FBN3: variants seen among roughly 807,000 people sequenced by gnomAD.
FBN3 encodes the protein fibrillin 3, also known as fibrillin-3.
In FBN3, 234 loss-of-function variants were observed where a neutral mutation model predicts 330.1. The ratio of observed to expected loss-of-function variants is 0.71; its 90% CI spans 0.64 to 0.79. FBN3 has a LOEUF of 0.79. FBN3 is among the 30% of genes least tolerant of loss of function. The pLI, the probability that FBN3 is intolerant of heterozygous loss-of-function variation, is 0.00. For synonymous variants in FBN3, 1,458 were observed against 1,517.3 expected (o/e 0.96, Z 0.91); for missense variants, 3,606 against 3,886.9 (o/e 0.93, Z 1.92).
At chr19:8,098,206 A>C (rs11666861) in intron 41 of FBN3, among the ~76,000 whole-genome samples, 60,460 of 150,364 alleles carry the variant, frequency 0.4, 13,086 homozygotes, top group East Asian at 0.76. Context: ...GACTGGAAAC[A>C]ACCTAAGTGT....
rs779003748 is a variant in FBN3 at position 8,123,877 on chromosome 19, G to T, written c.2863C>A (p.Pro955Thr). The change falls in exon 23 of 64, where the codon CCG becomes ACG. Residue 955 changes from proline (P) to threonine (T), a missense_variant. Coordinates refer to ENST00000600128, the MANE Select transcript of FBN3 (RefSeq NM_032447.5). ...GCGAACTCCAGAGACTCGGGATCCG[G>T]GCAGGCCTCGCACTCGACTCCCCAC... ...AVWGVECEAC[P>T]DPESLEFASL... 1 of 1,613,490 alleles carries T rather than the reference G, an allele frequency of 6.2e-7. No homozygotes were observed. The highest frequency in any genetic ancestry group is 8.5e-7 in the Non-Finnish European group (1 of 1,180,010).
Position 8,091,573 on chromosome 19 carries a change from C to G in FBN3, c.5923G>C (p.Glu1975Gln), listed in dbSNP as rs530861137. The change falls in exon 48 of 64, where the codon GAG becomes CAG. Residue 1975 changes from glutamate to glutamine, a missense_variant. By Grantham distance (29) the Glu-to-Gln change is conservative (BLOSUM62 2). Transcript: ENST00000600128. ...DHCIDIDECS[E>Q]EPNLCLFGTC... ...CCAAAGAGGCAGAGGTTGGGCTCCTCTGAGCACTCGTCGATATCTGGAAGG... is the reference window on the plus strand; with the variant it reads ...CCAAAGAGGCAGAGGTTGGGCTCCTGTGAGCACTCGTCGATATCTGGAAGG... 2 of 1,614,046 alleles carry G rather than the reference C, an allele frequency of 1.2e-6. No individual in the cohort carries two copies. The highest frequency in any genetic ancestry group is 2.2e-5 in the East Asian group (1 of 44,866).
In FBN3 at chr19:8,094,009, C is replaced by A. The variant is rs148390265; in HGVS notation, c.5905+437G>T. Among the ~76,000 whole-genome samples, 45 of 152,212 alleles carry A rather than the reference C, an allele frequency of 3.0e-4. No homozygotes were observed. In the Middle Eastern group the frequency reaches 0.01, roughly 35 times the overall value. ...GCCCATCTGCTCAGCCCAGGCTGGT[C>A]CAGGTTAGCCCACACTCTCTGAGGC... On this transcript the variant is annotated intron_variant, in intron 47 of 63. Transcript: ENST00000600128.
chr19:8,109,145 C>A lies in FBN3; in HGVS notation c.4618+82G>T. On this transcript the variant is annotated intron_variant, in intron 36 of 63. Transcript: ENST00000600128. The surrounding 1 kb of genome is among the most constrained non-coding windows in gnomAD (Gnocchi z 5.2). Reference sequence around the variant, plus strand: ...TCCTGTCGCCTAAGCCCCCCACCACCGCCATTAGCAGAGGTGACCCCCTAA... The same window carrying A: ...TCCTGTCGCCTAAGCCCCCCACCACAGCCATTAGCAGAGGTGACCCCCTAA... 2.9e-6 allele frequency: 4 copies of A among 1,374,106 alleles called. No homozygotes were observed. The highest frequency in any genetic ancestry group is 1.3e-5 in the South Asian group (1 of 74,080). The allele number at this position is 1,374,106 out of a possible 1,614,324, so 85.1% of individuals were successfully genotyped here.
At chr19:8,111,314 G>A (rs761230132) in intron 32 of FBN3, 131 bp from the exon 33 acceptor site, 288 of 1,193,952 alleles carry the variant, frequency 2.4e-4, no homozygotes, top group Non-Finnish European at 3.2e-4. Flanking sequence ...TGGGGACTCA[G>A]TCCCTGACTT....
At chr19:8,113,841 C>CAAAAA (rs34470005) in intron 30 of FBN3, among the ~76,000 whole-genome samples, 2 of 117,868 alleles carry the variant, frequency 1.7e-5, no homozygotes, top group African/African-American at 3.2e-5. Flanking sequence ...ACTATCTCTA[C>CAAAAA]AAAAAAAAAA....
chr19:8,118,648 CT>C (rs1190107328), intron 26 of FBN3, among the ~76,000 whole-genome samples: 5 of 152,148 alleles, frequency 3.3e-5, no homozygotes, highest in African/African-American at 1.2e-4. Context: ...AACGCTTGCC[CT>C]TGTACAGACA....
chr19:8,067,123 C>CTTTTT (rs997965759), intron 63 of FBN3, among the ~76,000 whole-genome samples: 4 of 147,420 alleles, frequency 2.7e-5, no homozygotes, highest in Non-Finnish European at 3.0e-5. Flanking sequence ...GTTTCTTCTT[C>CTTTTT]TTTTTCTTTT....
chr19:8,092,334 G>A (rs1386234132), intron 47 of FBN3, among the ~76,000 whole-genome samples: 1 of 152,002 alleles, frequency 6.6e-6, no homozygotes, highest in East Asian at 1.9e-4. Context: ...AAAATCTGGA[G>A]CCATCATATT....
chr19:8,085,869 A>C (rs971011200), intron 55 of FBN3, among the ~76,000 whole-genome samples: 1 of 151,900 alleles, frequency 6.6e-6, no homozygotes, highest in African/African-American at 2.4e-5. Context: ...GAGGGGCAGC[A>C]GGGGAGCACT....
chr19:8,120,170 T>TC (rs1444629478), intron 25 of FBN3, among the ~76,000 whole-genome samples: 2 of 149,126 alleles, frequency 1.3e-5, no homozygotes, highest in African/African-American at 2.5e-5. Flanking sequence ...TCTTTCTTTT[T>TC]TTTTTTTTTT....
chr19:8,122,587 G>A (rs541015149), intron 24 of FBN3, among the ~76,000 whole-genome samples: 212 of 151,034 alleles, frequency 1.4e-3, no homozygotes, highest in African/African-American at 4.9e-3. Flanking sequence ...GGCTGGTCTC[G>A]AACTCTTGAC....
intron 23 of FBN3, 69 bp from the exon 24 acceptor site, chr19:8,123,658 G>A (rs571442117): frequency 6.2e-7 from 1 of 1,603,904 alleles, no homozygotes; most frequent in Non-Finnish European, 8.5e-7. Flanking sequence ...AGCCCTCCCT[G>A]GGTTCTTAGT....
intron 51 of FBN3, among the ~76,000 whole-genome samples, chr19:8,088,971 G>GGAATGAGTGAGCAAAGGAGT (rs1337305502): frequency 6.6e-6 from 1 of 152,020 alleles, no homozygotes; most frequent in African/African-American, 2.4e-5. Context: ...AACAAGCGAA[G>GGAATGAGTGAGCAAAGGAGT]GAATGAGTGA....
intron 59 of FBN3, among the ~76,000 whole-genome samples, chr19:8,075,781 C>T (rs887954288): frequency 2.6e-5 from 4 of 152,168 alleles, no homozygotes; most frequent in Non-Finnish European, 4.4e-5. Context: ...GGGCAGTGCC[C>T]GGTAAAAGAG....
intron 32 of FBN3, 28 bp downstream of exon 32, chr19:8,111,620 C>A: frequency 6.9e-7 from 1 of 1,448,700 alleles, no homozygotes; most frequent in South Asian, 1.2e-5. Context: ...CCTCTAGGGC[C>A]CCTGCCCTCC....
chr19:8,132,289 C>T (rs1233286236), intron 14 of FBN3, among the ~76,000 whole-genome samples: 1 of 152,132 alleles, frequency 6.6e-6, no homozygotes, highest in South Asian at 2.1e-4. Flanking sequence ...CTCAAGTGAT[C>T]CTTCTGCCTC....
Position 8,136,381 on chromosome 19 carries a change from G to A in FBN3, c.1345+7C>T, listed in dbSNP as rs542249982. 32 of 1,612,280 alleles carry A rather than the reference G, an allele frequency of 2.0e-5. 1 individual carries two copies. Among genetic ancestry groups the A allele is most frequent in the Middle Eastern group, 1.7e-4 (1 of 6,054 alleles). On this transcript the variant is annotated splice_region_variant and intron_variant, in intron 11 of 63. Coordinates refer to ENST00000600128, the MANE Select transcript of FBN3 (RefSeq NM_032447.5). ...ACCGCCCCCCCTTCCACCTGGCCGC[G>A]GCTCACCAATGCACTCGCCGCGCAC...
At chr19:8,097,140 T>G in intron 42 of FBN3, 134 bp from the exon 43 acceptor site, 1 of 1,469,838 alleles carries the variant, frequency 6.8e-7, no homozygotes, top group Non-Finnish European at 9.2e-7. Context: ...AGGGTGGTTA[T>G]ATGAGATGGA....
Sources: gnomAD v4.1 joint callset for allele counts (sites outside exome capture counted in the v4.1 genomes callset) on GRCh38, gnomAD v4.1.1 for gene constraint, Gnocchi (gnomAD v3.1) non-coding constraint, MANE v1.5 for transcripts, NCBI Gene and HGNC (gene_info 2026-07-23, HGNC 2026-07-21) for gene names.